SF3B1: variants seen among roughly 807,000 people sequenced by gnomAD.
The protein encoded by SF3B1 is pre-mRNA processing 10.
SF3B1 carries 12 observed loss-of-function variants against 153.8 expected under a neutral mutation model. The ratio of observed to expected loss-of-function variants is 0.08; its 90% CI spans 0.05 to 0.13. SF3B1 has a LOEUF of 0.13. SF3B1 is among the 10% of genes least tolerant of loss of function. SF3B1 has a pLI of 1.00. For synonymous variants in SF3B1, 498 were observed against 525.2 expected, an observed-to-expected ratio of 0.95 and a Z score of 0.71; for missense variants, 513 against 1,606.1, an observed-to-expected ratio of 0.32 and a Z score of 11.63.
chr2:197,418,622 C>A, intron 4 of SF3B1, 34 bp from the exon 5 acceptor site: 1 of 1,592,804 alleles, frequency 6.3e-7, no homozygotes, highest in Admixed American at 1.8e-5. Flanking sequence ...AAAAAGAGTA[C>A]AATAAATAAA....
At chr2:197,406,623 G>A (rs1166502898) in intron 9 of SF3B1, among the ~76,000 whole-genome samples, 2 of 152,142 alleles carry the variant, frequency 1.3e-5, no homozygotes, top group Admixed American at 6.5e-5. Context: ...TGACACTAAG[G>A]AAATCAATGA....
rs10193750 is a variant in SF3B1, at chr2:197,401,937, C to G, written c.2223+48G>C. On this transcript the variant is annotated intron_variant, in intron 15 of 24. Coordinates refer to ENST00000335508, the MANE Select transcript of SF3B1 (RefSeq NM_012433.4). This position sits in a 1 kb window ranked among gnomAD's most constrained non-coding sequence, Gnocchi z 4.2. Reference sequence around the variant, plus strand: ...GTACTTTAGTAATTTAGATTTATGTCGCCTTAACTTTAATGAAGATAAATC... The same window carrying G: ...GTACTTTAGTAATTTAGATTTATGTGGCCTTAACTTTAATGAAGATAAATC... 6.3e-7 allele frequency: 1 copy of G among 1,594,006 alleles called. No homozygotes were observed. Among genetic ancestry groups the G allele is most frequent in the Non-Finnish European group, 8.5e-7 (1 of 1,173,570 alleles).
At chr2:197,425,502 A>T (rs1008609001) in intron 1 of SF3B1, among the ~76,000 whole-genome samples, 2 of 152,068 alleles carry the variant, frequency 1.3e-5, no homozygotes, top group Admixed American at 1.3e-4. Flanking sequence ...AATAAAAAAT[A>T]AAAAAGCTCA....
Position 197,393,403 on chromosome 2 carries a change from A to G in SF3B1, c.3540-215T>C, listed in dbSNP as rs1574521793. On this transcript the variant is annotated intron_variant, in intron 23 of 24. Coordinates refer to ENST00000335508, the MANE Select transcript of SF3B1 (RefSeq NM_012433.4). ...GCTTCCACTTGAGGACTTTTGCTTT[A>G]ATTACTCAAGATTCACTATGGCTCA... 5.4e-6 allele frequency: 3 copies of G among 551,404 alleles called. No homozygotes were observed. The South Asian group carries it at 7.7e-5, about 14-fold the overall frequency. The allele number at this position is 551,404 out of a possible 1,614,324, so 34.2% of individuals were successfully genotyped here. A position where few individuals can be genotyped will look rare whatever the true frequency, so the allele number is the denominator to read the frequency against.
intron 6 of SF3B1, among the ~76,000 whole-genome samples, chr2:197,414,186 T>G (rs1395411150): frequency 6.6e-6 from 1 of 152,050 alleles, no homozygotes; most frequent in Non-Finnish European, 1.5e-5. Flanking sequence ...GCGAAGAAAA[T>G]CAATAATTTT....
intron 11 of SF3B1, 84 bp from the exon 12 acceptor site, chr2:197,403,848 A>G: frequency 2.3e-5 from 23 of 991,512 alleles, no homozygotes; most frequent in Non-Finnish European, 3.2e-5. Flanking sequence ...AAGATTTTCC[A>G]TACTTTAATA....
intron 6 of SF3B1, among the ~76,000 whole-genome samples, chr2:197,414,943 G>A (rs1311396004): frequency 6.6e-6 from 1 of 152,004 alleles, no homozygotes; most frequent in Non-Finnish European, 1.5e-5. Flanking sequence ...GGTGGAGGCT[G>A]CAGTGAGCTA....
At chr2:197,432,821 G>C (rs988730936) in intron 1 of SF3B1, among the ~76,000 whole-genome samples, 24 of 151,892 alleles carry the variant, frequency 1.6e-4, no homozygotes, top group African/African-American at 5.8e-4. Flanking sequence ...AGCCGAGATT[G>C]CACCACTGCA....
chr2:197,408,233 G>A, intron 8 of SF3B1, 114 bp from the exon 9 acceptor site: 3 of 1,287,784 alleles, frequency 2.3e-6, no homozygotes, highest in Middle Eastern at 1.9e-4. Flanking sequence ...TATTATAAAC[G>A]CAAACCAAGA....
At chr2:197,393,753 CTAAT>C (rs2084842043) in intron 23 of SF3B1, among the ~76,000 whole-genome samples, 1 of 152,124 alleles carries the variant, frequency 6.6e-6, no homozygotes, top group East Asian at 1.9e-4. Flanking sequence ...GCCTGGCCAT[CTAAT>C]TAACTTTTAA....
intron 6 of SF3B1, among the ~76,000 whole-genome samples, chr2:197,412,057 C>G (rs1478186358): frequency 2.0e-5 from 3 of 150,342 alleles, no homozygotes; most frequent in Non-Finnish European, 4.4e-5. Context: ...TTGCAACAAG[C>G]CAAGATCACG....
rs563141283 is a variant in SF3B1, at chr2:197,393,415, T to C, written c.3540-227A>G. 5 of 544,382 alleles carry C rather than the reference T, an allele frequency of 9.2e-6. No homozygotes were observed. The East Asian group carries it at 1.2e-4, about 13-fold the overall frequency. 33.7% of individuals were successfully genotyped at this position (544,382 alleles called of 1,614,324 possible). On this transcript the variant is annotated intron_variant, in intron 23 of 24. Transcript: ENST00000335508. Reference sequence around the variant, plus strand: ...GGACTTTTGCTTTAATTACTCAAGATTCACTATGGCTCAACAATTAAGCCA... The same window carrying C: ...GGACTTTTGCTTTAATTACTCAAGACTCACTATGGCTCAACAATTAAGCCA...
In SF3B1 at chr2:197,408,068, C is replaced by T. The variant is rs1351426554; in HGVS notation, c.1169G>A (p.Arg390Lys). ...PEQLQAWRWE[R>K]EIDERNRPLS... ...TGGGCGATTTCTCTCATCAATTTCTCTTTCCCACCGCCAAGCCTGAAGCTG... is the reference window on the plus strand; with the variant it reads ...TGGGCGATTTCTCTCATCAATTTCTTTTTCCCACCGCCAAGCCTGAAGCTG... Residue 390 changes from arginine to lysine, a missense_variant, in exon 9 of 25, where the codon AGA becomes AAA. Physicochemically the swap from Arg to Lys is conservative, Grantham distance 26. Coordinates refer to ENST00000335508, the MANE Select transcript of SF3B1 (RefSeq NM_012433.4). 1.7e-5 allele frequency: 28 copies of T among 1,613,742 alleles called. No homozygotes were observed. Among genetic ancestry groups the T allele is most frequent in the Non-Finnish European group, 2.2e-5 (26 of 1,179,726 alleles).
chr2:197,390,807 T>C lies in SF3B1; in HGVS notation c.*1496A>G, dbSNP rs1046137649. On this transcript the variant is annotated 3_prime_UTR_variant, in exon 25 of 25. Transcript: ENST00000335508. ...TTTAGTAGACGGGACTTCACCGCGT[T>C]AGCCAGGATGGTCTCGATCTCCTGA... The C allele has an allele frequency of 1.3e-5, 2 of 152,146 alleles. No homozygotes were observed. The highest frequency in any genetic ancestry group is 4.8e-5 in the African/African-American group (2 of 41,412). 9.4% of individuals were successfully genotyped at this position (152,146 alleles called of 1,614,324 possible).
chr2:197,423,941 T>C lies in SF3B1; in HGVS notation c.62A>G (p.Lys21Arg). Residue 21 changes from lysine to arginine, a missense_variant, in exon 2 of 25, where the codon AAG (lysine) becomes AGG (arginine). By Grantham distance (26) the Lys-to-Arg change is conservative (BLOSUM62 2). Transcript: ENST00000335508. The stretch of plus-strand genomic sequence containing the variant: ...TTGAGCTTCATCAAGAGCTGCCTTC[T>C]TGCCTTGAATTTCTCGAATCTGTGC... ...IEAQIREIQG[K>R]KAALDEAQGV... The C allele has an allele frequency of 7.5e-6, 12 of 1,610,580 alleles. No individual in the cohort carries two copies. Among genetic ancestry groups the C allele is most frequent in the Non-Finnish European group, 1.0e-5 (12 of 1,179,200 alleles).
chr2:197,399,279 G>A (rs1322829475), intron 20 of SF3B1, among the ~76,000 whole-genome samples: 2 of 152,160 alleles, frequency 1.3e-5, no homozygotes, highest in African/African-American at 4.8e-5. Context: ...GTTTAAACAT[G>A]TGTATCGCAT....
rs1455480494 is a variant in SF3B1 at position 197,403,091 on chromosome 2, C to G, written c.1720-56G>C. ...TTTCACATCAATTACTGATGAAATG[C>G]TCATGTACAGAATTAAACATACATA... On this transcript the variant is annotated intron_variant, in intron 12 of 24. Transcript: ENST00000335508. 8.0e-6 allele frequency: 10 copies of G among 1,243,812 alleles called. No homozygotes were observed. In the South Asian group the frequency reaches 1.3e-4, roughly 16 times the overall value. 77.0% of individuals were successfully genotyped at this position (1,243,812 alleles called of 1,614,324 possible).
In SF3B1 at chr2:197,400,107, A is replaced by T. The variant is rs766739044; in HGVS notation, c.2961T>A (p.Pro987=). 74 of 1,613,876 alleles carry T rather than the reference A, an allele frequency of 4.6e-5. 1 individual carries two copies. In the East Asian group the frequency reaches 1.6e-3, roughly 35 times the overall value. ...VLYEYLGEEY[P]EVLGSILGAL... ...CTCCAAGAATGCTGCCCAATACTTC[A>T]GGGTACTCTTCACCCAAATACTCAT... The change falls in exon 20 of 25, where the codon CCT becomes CCA. Residue 987 remains proline, a synonymous_variant. Coordinates refer to ENST00000335508, the MANE Select transcript of SF3B1 (RefSeq NM_012433.4). This position sits in a 1 kb window ranked among gnomAD's most constrained non-coding sequence, Gnocchi z 5.0.
chr2:197,433,104 T>C (rs1417214692), intron 1 of SF3B1, among the ~76,000 whole-genome samples: 2 of 152,154 alleles, frequency 1.3e-5, no homozygotes, highest in Non-Finnish European at 2.9e-5. Context: ...TGATGGACCA[T>C]GAAGAACTAG....
Sources: gnomAD v4.1 joint callset for allele counts (sites outside exome capture counted in the v4.1 genomes callset) on GRCh38, gnomAD v4.1.1 for gene constraint, Gnocchi (gnomAD v3.1) non-coding constraint, MANE v1.5 for transcripts, NCBI Gene and HGNC (gene_info 2026-07-23, HGNC 2026-07-21) for gene names.